Variants in NUB1 observed in about 807,000 individuals in gnomAD.
NUB1 encodes negative regulator of ubiquitin like proteins 1.
NUB1 carries 41 observed loss-of-function variants against 77.1 expected under a neutral mutation model. The ratio of observed to expected loss-of-function variants is 0.53; its 90% confidence interval spans 0.41 to 0.69. The LOEUF (loss-of-function observed/expected upper bound fraction) is 0.69. Among genes scored for constraint, NUB1 ranks in the 30% least tolerant of loss-of-function variants. The pLI, the probability that NUB1 is intolerant of heterozygous loss-of-function variation, is 0.00. For missense variants in NUB1, 643 were observed against 743.8 expected (o/e 0.86, Z 1.58); for synonymous variants, 257 against 281.0 (o/e 0.91, Z 0.85).
intron 1 of NUB1, among the ~76,000 whole-genome samples, chr7:151,343,194 C>T (rs1169398283): frequency 2.0e-5 from 3 of 152,140 alleles, no homozygotes; most frequent in Admixed American, 6.6e-5. Context: ...TGTGATAAGC[C>T]GTTTGTCAGT....
At chr7:151,342,054 C>A in intron 1 of NUB1, 1 of 932,810 alleles carries the variant, frequency 1.1e-6, no homozygotes, top group Non-Finnish European at 1.4e-6. Context: ...CCGTTCGGGG[C>A]CCTTTGGTTT....
chr7:151,360,019 G>C, intron 7 of NUB1, 122 bp from the exon 8 acceptor site: 1 of 533,928 alleles, frequency 1.9e-6, no homozygotes, highest in Non-Finnish European at 3.3e-6. Context: ...TTGGCTTTTA[G>C]ATTGAGTTAT....
intron 8 of NUB1, among the ~76,000 whole-genome samples, chr7:151,366,106 C>G (rs973798232): frequency 2.0e-5 from 3 of 152,194 alleles, no homozygotes; most frequent in African/African-American, 7.2e-5. Context: ...GTAATCATAA[C>G]TTAAAATTAG....
intron 10 of NUB1, among the ~76,000 whole-genome samples, chr7:151,368,267 TAGG>T (rs1563026366): frequency 6.6e-6 from 1 of 152,180 alleles, no homozygotes; most frequent in Non-Finnish European, 1.5e-5. Context: ...CGAGGCGTCC[TAGG>T]TTGCTCCTGT....
chr7:151,341,907 G>A, intron 1 of NUB1, 61 bp downstream of exon 1: 1 of 1,428,354 alleles, frequency 7.0e-7, no homozygotes, highest in Non-Finnish European at 9.1e-7. Context: ...TTGGCGCCCC[G>A]GTTCCCGGTC....
chr7:151,374,106 C>G lies in NUB1; in HGVS notation c.1258C>G (p.Gln420Glu). The G allele has an allele frequency of 6.4e-7, 1 of 1,558,878 alleles. No homozygotes were observed. The highest frequency in any genetic ancestry group is 8.7e-7 in the Non-Finnish European group (1 of 1,151,638). ...TGCTGTTTTCCTAAAGGAACTGGCC[C>G]AAATAAGGAAGGAGGAAAAAGAGAA... Reference protein sequence around the residue: ...HITNRREELAQIRKEEKEKKR... With the variant: ...HITNRREELAEIRKEEKEKKR... The change falls in exon 12 of 15, where the codon CAA becomes GAA. Residue 420 changes from glutamine (Q) to glutamate (E), a missense_variant. Transcript: ENST00000568733.
intron 1 of NUB1, among the ~76,000 whole-genome samples, chr7:151,344,661 T>A (rs796713445): frequency 6.6e-6 from 1 of 151,780 alleles, no homozygotes; most frequent in Non-Finnish European, 1.5e-5. Context: ...CAAGCTTTTC[T>A]TTATATTTAA....
In NUB1 at chr7:151,368,849, G is replaced by A. The variant is rs764274039; in HGVS notation, c.1210G>A (p.Val404Met). Reference sequence around the variant, plus strand: ...TGGCCTGAGGGCGTGTGATGGGAACGTGGATCATGCGGCCACTCATATTAC... The same window carrying A: ...TGGCCTGAGGGCGTGTGATGGGAACATGGATCATGCGGCCACTCATATTAC... ...RLGLRACDGNVDHAATHITNR... is the reference protein window; with the variant it reads ...RLGLRACDGNMDHAATHITNR... Residue 404 changes from valine to methionine, a missense_variant, in exon 11 of 15, where the codon GTG becomes ATG. Coordinates refer to ENST00000568733, the MANE Select transcript of NUB1 (RefSeq NM_001243351.2). 2.9e-5 allele frequency: 47 copies of A among 1,613,814 alleles called. No homozygotes were observed. The highest frequency in any genetic ancestry group is 4.4e-5 in the South Asian group (4 of 91,046).
intron 2 of NUB1, among the ~76,000 whole-genome samples, chr7:151,347,507 G>C (rs931626071): frequency 6.6e-6 from 1 of 152,156 alleles, no homozygotes; most frequent in Non-Finnish European, 1.5e-5. Context: ...GCCCAGGCTG[G>C]AGTGCAATGG....
At chr7:151,375,003 G>A (rs1010556557) in intron 12 of NUB1, among the ~76,000 whole-genome samples, 1 of 149,878 alleles carries the variant, frequency 6.7e-6, no homozygotes, top group Non-Finnish European at 1.5e-5. Flanking sequence ...GGCTTAGGTT[G>A]TGCACGTGCT....
chr7:151,345,481 A>C lies in NUB1; in HGVS notation c.117+15A>C. The C allele has an allele frequency of 7.9e-7, 1 of 1,267,016 alleles. No homozygotes were observed. Among genetic ancestry groups the C allele is most frequent in the East Asian group, 2.3e-5 (1 of 42,698 alleles). The allele number at this position is 1,267,016 out of a possible 1,614,324, so 78.5% of individuals were successfully genotyped here. The stretch of plus-strand genomic sequence containing the variant: ...TGGCATTAAAGGTATTTTTCTTTTA[A>C]GACATCAATAATTAGCAGCATTATA... On this transcript the variant is annotated intron_variant, in intron 2 of 14. Transcript: ENST00000568733.
At chr7:151,354,408 CA>C (rs1228834741) in intron 5 of NUB1, among the ~76,000 whole-genome samples, 2 of 150,498 alleles carry the variant, frequency 1.3e-5, no homozygotes, top group East Asian at 1.9e-4. Flanking sequence ...TCATATTTCT[CA>C]AAAGAAAAAA....
chr7:151,373,992 T>G, intron 11 of NUB1, 105 bp from the exon 12 acceptor site: 1 of 1,333,732 alleles, frequency 7.5e-7, no homozygotes, highest in Non-Finnish European at 1.0e-6. Flanking sequence ...TTGCTTTGGT[T>G]TTTTGGCTTT....
intron 8 of NUB1, among the ~76,000 whole-genome samples, chr7:151,364,395 T>C (rs1797541688): frequency 6.9e-6 from 1 of 145,966 alleles, no homozygotes; most frequent in African/African-American, 2.5e-5. Context: ...CACTCCAGCC[T>C]GGAGGAGAGA....
chr7:151,374,452 C>T, intron 12 of NUB1: 1 of 657,386 alleles, frequency 1.5e-6, no homozygotes, highest in Non-Finnish European at 2.6e-6. Context: ...TGGCCCAGGC[C>T]TGGCTCCAAA....
At chr7:151,341,951 G>T in intron 1 of NUB1, 105 bp downstream of exon 1, 1 of 1,344,526 alleles carries the variant, frequency 7.4e-7, no homozygotes, top group Non-Finnish European at 9.5e-7. Flanking sequence ...GGGGTGGAGC[G>T]GCCGCGGGGC....
At chr7:151,367,713 C>G in intron 9 of NUB1, 148 bp from the exon 10 acceptor site, 1 of 582,386 alleles carries the variant, frequency 1.7e-6, no homozygotes, top group Non-Finnish European at 3.0e-6. Context: ...GGGGGCTTCA[C>G]TTTTGCCGTC....
At position 151,368,760 on chromosome 7, in the gene NUB1, A is replaced by G. The variant is rs748245389; in HGVS notation, c.1121A>G (p.Tyr374Cys). The G allele has an allele frequency of 1.9e-6, 3 of 1,613,712 alleles. No individual in the cohort carries two copies. Among genetic ancestry groups the G allele is most frequent in the African/African-American group, 2.7e-5 (2 of 74,942 alleles). Reference protein sequence around the residue: ...NKARQLFKELYIDPSKVDNLL... With the variant: ...NKARQLFKELCIDPSKVDNLL... ...GCACGTCAGCTCTTTAAAGAGCTATATATTGATCCATCAAAAGTGGACAAT... is the reference window on the plus strand; with the variant it reads ...GCACGTCAGCTCTTTAAAGAGCTATGTATTGATCCATCAAAAGTGGACAAT... The change falls in exon 11 of 15, where the codon TAT becomes TGT. Residue 374 changes from tyrosine (Y) to cysteine (C), a missense_variant. Coordinates refer to ENST00000568733, the MANE Select transcript of NUB1 (RefSeq NM_001243351.2).
At position 151,378,412 on chromosome 7, in the gene NUB1, T is replaced by C. The variant is rs990703475; in HGVS notation, c.*1187T>C. 1 of 152,250 alleles carries C rather than the reference T, an allele frequency of 6.6e-6. No individual in the cohort carries two copies. The highest frequency in any genetic ancestry group is 1.5e-5 in the Non-Finnish European group (1 of 68,034). 9.4% of individuals were successfully genotyped at this position (152,250 alleles called of 1,614,324 possible). A position where few individuals can be genotyped will look rare whatever the true frequency, so the allele number is the denominator to read the frequency against. ...CTTGTCATTCTTTTTAAACGGATGA[T>C]ACCGATGGAAATAAAAGGTGGGAAA... is the stretch of plus-strand genomic sequence containing the variant. On this transcript the variant is annotated 3_prime_UTR_variant, in exon 15 of 15. Coordinates refer to ENST00000568733, the MANE Select transcript of NUB1 (RefSeq NM_001243351.2).
Sources: allele counts gnomAD v4.1 joint callset (sites outside exome capture counted in the v4.1 genomes callset), GRCh38; gene constraint gnomAD v4.1.1; transcripts MANE v1.5; gene names NCBI Gene and HGNC (gene_info 2026-07-23, HGNC 2026-07-21).